GRIN2D: variants seen among roughly 807,000 people sequenced by gnomAD.
GRIN2D encodes glutamate receptor ionotropic, NMDA 2D.
Under a neutral mutation model 103.2 loss-of-function variants are expected in GRIN2D, and 37 were observed. That is an observed-to-expected ratio of 0.36 (90% CI 0.28 to 0.47). The LOEUF (loss-of-function observed/expected upper bound fraction) is 0.47, where lower values mean the gene tolerates loss of function less well. Among genes scored for constraint, GRIN2D ranks in the 20% least tolerant of loss-of-function variants. The pLI is 1.00. For missense variants in GRIN2D, 1,557 were observed against 1,910.6 expected (o/e 0.81, Z 3.45); for synonymous variants, 845 against 885.6 (o/e 0.95, Z 0.81).
Position 48,414,701 on chromosome 19 carries a change from T to C in GRIN2D, c.1412+117T>C. Reference sequence around the variant, plus strand: ...CCCAGGACCCACAAAGCCCTCCAGCTTGGTGACCTTAGGCAAACCTCAGAA... The same window carrying C: ...CCCAGGACCCACAAAGCCCTCCAGCCTGGTGACCTTAGGCAAACCTCAGAA... On this transcript the variant is annotated intron_variant, in intron 6 of 13. Coordinates refer to ENST00000263269, the MANE Select transcript of GRIN2D (RefSeq NM_000836.4). This position sits in a 1 kb window ranked among gnomAD's most constrained non-coding sequence, Gnocchi z 4.6. 1.3e-5 allele frequency: 17 copies of C among 1,259,446 alleles called. No individual in the cohort carries two copies. The highest frequency in any genetic ancestry group is 1.9e-5 in the Non-Finnish European group (17 of 906,500). 78.0% of individuals were successfully genotyped at this position (1,259,446 alleles called of 1,614,324 possible).
At chr19:48,400,109 C>G (rs1401309669) in intron 3 of GRIN2D, among the ~76,000 whole-genome samples, 1 of 152,204 alleles carries the variant, frequency 6.6e-6, no homozygotes, top group Non-Finnish European at 1.5e-5. Flanking sequence ...GAGGCTGGAG[C>G]TGGCCAGAGC....
At chr19:48,406,608 G>C (rs1970794794) in intron 4 of GRIN2D, among the ~76,000 whole-genome samples, 1 of 152,188 alleles carries the variant, frequency 6.6e-6, no homozygotes, top group Non-Finnish European at 1.5e-5. Context: ...CTGAGCACCC[G>C]CTAGGAACTA....
chr19:48,405,387 G>A lies in GRIN2D; in HGVS notation c.1085+34G>A. On this transcript the variant is annotated intron_variant, in intron 4 of 13. Coordinates refer to ENST00000263269, the MANE Select transcript of GRIN2D (RefSeq NM_000836.4). The surrounding 1 kb of genome is among the most constrained non-coding windows in gnomAD (Gnocchi z 5.1). ...GGCTGGAATGGGAGGGGTGTGGGAG[G>A]GCTCCCAGAGCCTAACTACCTCAGT... is the stretch of plus-strand genomic sequence containing the variant. 2.6e-6 allele frequency: 4 copies of A among 1,517,830 alleles called. No individual in the cohort carries two copies. The highest frequency in any genetic ancestry group is 3.5e-6 in the Non-Finnish European group (4 of 1,132,514). 94.0% of individuals were successfully genotyped at this position (1,517,830 alleles called of 1,614,324 possible).
rs544839011 is a variant in GRIN2D at position 48,421,037 on chromosome 19, A to C, written c.2092-748A>C. Among the ~76,000 whole-genome samples the C allele has an allele frequency of 6.6e-6, 1 of 152,334 alleles. No homozygotes were observed. The highest frequency in any genetic ancestry group is 2.1e-4 in the South Asian group (1 of 4,828). ...GGTGTCATGACCTATTAGAGGCTTG[A>C]GAAATCAGTTTGATGGGTTGCAATA... On this transcript the variant is annotated intron_variant, in intron 10 of 13. Transcript: ENST00000263269. The surrounding 1 kb of genome is among the most constrained non-coding windows in gnomAD (Gnocchi z 4.8).
Position 48,398,459 on chromosome 19 carries a change from G to A in GRIN2D, c.67G>A (p.Ala23Thr), listed in dbSNP as rs1970668991. 7 of 1,068,452 alleles carry A rather than the reference G, an allele frequency of 6.6e-6. No individual in the cohort carries two copies. Among genetic ancestry groups the A allele is most frequent in the Non-Finnish European group, 7.9e-6 (7 of 884,430 alleles). The allele number at this position is 1,068,452 out of a possible 1,614,324, so 66.2% of individuals were successfully genotyped here. The change falls in exon 3 of 14, where the codon GCC becomes ACC. Residue 23 changes from alanine to threonine, a missense_variant. Physicochemically the swap from Ala to Thr is moderately conservative, Grantham distance 58. Transcript: ENST00000263269. ...TAAGATGCTGCTGCTGCTGGCGCTG[G>A]CCTGCGCCAGCCCGTTCCCGGAGGA... is the stretch of plus-strand genomic sequence containing the variant. Reference protein sequence around the residue: ...PAKMLLLLALACASPFPEEAP... With the variant: ...PAKMLLLLALTCASPFPEEAP...
In GRIN2D at chr19:48,398,483, G is replaced by C; in HGVS notation, c.91G>C (p.Glu31Gln). 3.9e-6 allele frequency: 4 copies of C among 1,034,752 alleles called. No individual in the cohort carries two copies. The highest frequency in any genetic ancestry group is 4.6e-6 in the Non-Finnish European group (4 of 863,534). 64.1% of individuals were successfully genotyped at this position (1,034,752 alleles called of 1,614,324 possible). A position where few individuals can be genotyped will look rare whatever the true frequency, so the allele number is the denominator to read the frequency against. ...ALACASPFPEEAPGPGGAGGP... is the reference protein window; with the variant it reads ...ALACASPFPEQAPGPGGAGGP... ...GGCCTGCGCCAGCCCGTTCCCGGAG[G>C]AGGCGCCGGGGCCGGGCGGGGCCGG... is the stretch of plus-strand genomic sequence containing the variant. The change falls in exon 3 of 14, where the codon GAG becomes CAG. Residue 31 changes from glutamate to glutamine, a missense_variant. Glu to Gln is a conservative substitution (Grantham distance 29). Transcript: ENST00000263269.
chr19:48,406,985 CT>C (rs11372604), intron 4 of GRIN2D, among the ~76,000 whole-genome samples: 20 of 144,476 alleles, frequency 1.4e-4, no homozygotes, highest in East Asian at 4.0e-4. Flanking sequence ...TTTCCTTTTT[CT>C]TTTTTTTTTT....
chr19:48,412,783 C>G (rs1970890791), intron 4 of GRIN2D, among the ~76,000 whole-genome samples: 1 of 146,396 alleles, frequency 6.8e-6, no homozygotes, highest in Non-Finnish European at 1.5e-5. Context: ...GAGCAAAACT[C>G]TGTCTCAAGA....
In GRIN2D at chr19:48,398,700, T is replaced by C; in HGVS notation, c.308T>C (p.Leu103Pro). ...GACCCGCGCAGCCTCGTGCTGCAGC[T>C]CTGCGACCTGCTGTCGGGGTTGCGC... Reference protein sequence around the residue: ...GSDPRSLVLQLCDLLSGLRVH... With the variant: ...GSDPRSLVLQPCDLLSGLRVH... The change falls in exon 3 of 14, where the codon CTC becomes CCC. Residue 103 changes from leucine to proline, a missense_variant. This residue lies in a region of GRIN2D where 490 missense variants were observed against 601.1 expected (regional missense o/e 0.82). Coordinates refer to ENST00000263269, the MANE Select transcript of GRIN2D (RefSeq NM_000836.4). The C allele has an allele frequency of 6.8e-7, 1 of 1,464,998 alleles. No individual in the cohort carries two copies. Among genetic ancestry groups the C allele is most frequent in the Non-Finnish European group, 9.0e-7 (1 of 1,113,822 alleles). The allele number at this position is 1,464,998 out of a possible 1,614,324, so 90.7% of individuals were successfully genotyped here.
At chr19:48,417,167 G>A (rs1970959092) in intron 8 of GRIN2D, among the ~76,000 whole-genome samples, 1 of 152,186 alleles carries the variant, frequency 6.6e-6, no homozygotes, top group African/African-American at 2.4e-5. Flanking sequence ...TTGAACCCAG[G>A]AGGCAGAGGT....
At position 48,414,388 on chromosome 19, in the gene GRIN2D, C is replaced by G. The variant is rs755714504; in HGVS notation, c.1216C>G (p.Gln406Glu). 2 of 1,606,544 alleles carry G rather than the reference C, an allele frequency of 1.2e-6. No homozygotes were observed. The highest frequency in any genetic ancestry group is 2.2e-5 in the South Asian group (2 of 89,782). The change falls in exon 6 of 14, where the codon CAG (glutamine) becomes GAG (glutamate). Residue 406 changes from glutamine to glutamate, a missense_variant. Transcript: ENST00000263269. This position sits in a 1 kb window ranked among gnomAD's most constrained non-coding sequence, Gnocchi z 4.6. Reference sequence around the variant, plus strand: ...TTTGGCCAAGGTGGGCAGCTGGGAGCAGCAGACGCTCCGCCTCAAGTACCC... The same window carrying G: ...TTTGGCCAAGGTGGGCAGCTGGGAGGAGCAGACGCTCCGCCTCAAGTACCC... ...RTWEVVGSWEQQTLRLKYPLW... is the reference protein window; with the variant it reads ...RTWEVVGSWEEQTLRLKYPLW...
chr19:48,406,055 GGTT>G (rs1228597832), intron 4 of GRIN2D, among the ~76,000 whole-genome samples: 1 of 152,178 alleles, frequency 6.6e-6, no homozygotes, highest in Non-Finnish European at 1.5e-5. Flanking sequence ...CTGGCTTACT[GGTT>G]GTTGACAGTG....
At position 48,402,132 on chromosome 19, in the gene GRIN2D, GAA is replaced by G. The variant is rs1330722692; in HGVS notation, c.466-2600_466-2599del. Among the ~76,000 whole-genome samples the G allele has an allele frequency of 4.3e-5, 6 of 138,826 alleles. 1 individual carries two copies. In the South Asian group the frequency reaches 7.2e-4, roughly 17 times the overall value. 91.1% of individuals were successfully genotyped at this position (138,826 alleles called of 152,430 possible). On this transcript the variant is annotated intron_variant, in intron 3 of 13. Coordinates refer to ENST00000263269, the MANE Select transcript of GRIN2D (RefSeq NM_000836.4). ...AAAGAGAAGGAAAGAAAGAAAGAAA[GAA>G]AGAAAGAAAGAAAGAAAGAAAGAAA...
chr19:48,438,699 G>A (rs1020638084), intron 11 of GRIN2D, among the ~76,000 whole-genome samples: 3 of 152,146 alleles, frequency 2.0e-5, no homozygotes, highest in East Asian at 1.9e-4. Flanking sequence ...CTCCCAAAGC[G>A]CTGGGATTAC....
chr19:48,399,478 G>T (rs1223923083), intron 3 of GRIN2D, among the ~76,000 whole-genome samples: 1 of 152,228 alleles, frequency 6.6e-6, no homozygotes, highest in African/African-American at 2.4e-5. Context: ...TGAGGCAAGA[G>T]AATTGCTTGA....
rs1970599322 is a variant in GRIN2D at position 48,394,043 on chromosome 19, G to T, written c.-306+175G>T. Among the ~76,000 whole-genome samples the T allele has an allele frequency of 6.6e-6, 1 of 152,094 alleles. No homozygotes were observed. Among genetic ancestry groups the T allele is most frequent in the Non-Finnish European group, 1.5e-5 (1 of 68,012 alleles). ...CCCCCGGCCCCCCCAAACCCAGATG[G>T]ATGGTGTGTACCTGGGTTCTGTGCC... On this transcript the variant is annotated intron_variant, in intron 1 of 13. Coordinates refer to ENST00000263269, the MANE Select transcript of GRIN2D (RefSeq NM_000836.4). This position sits in a 1 kb window ranked among gnomAD's most constrained non-coding sequence, Gnocchi z 5.1.
intron 11 of GRIN2D, among the ~76,000 whole-genome samples, chr19:48,424,240 A>AC (rs781307067): frequency 1.4e-4 from 18 of 133,326 alleles, no homozygotes; most frequent in Non-Finnish European, 2.7e-4. Context: ...ACATAGTGAG[A>AC]CCCCCTTGAC....
At position 48,403,321 on chromosome 19, in the gene GRIN2D, A is replaced by G. The variant is rs1970741275; in HGVS notation, c.466-1413A>G. On this transcript the variant is annotated intron_variant, in intron 3 of 13. Transcript: ENST00000263269. The stretch of plus-strand genomic sequence containing the variant: ...GCACTGTTCAATAAAACTTTCAGCA[A>G]AGATGAAGCTGTTCTATAGCTGCTC... Among the ~76,000 whole-genome samples the G allele has an allele frequency of 2.6e-5, 4 of 152,166 alleles. No homozygotes were observed. The South Asian group carries it at 8.3e-4, about 31-fold the overall frequency.
At chr19:48,422,351 G>T (rs540532606) in intron 11 of GRIN2D, among the ~76,000 whole-genome samples, 4 of 152,332 alleles carry the variant, frequency 2.6e-5, no homozygotes, top group Non-Finnish European at 4.4e-5. Flanking sequence ...GGTGGCTCAT[G>T]CCTGTAATCC....
Sources: gnomAD v4.1 joint callset for allele counts (sites outside exome capture counted in the v4.1 genomes callset) on GRCh38, gnomAD v4.1.1 for gene constraint, gnomAD v4.1.1 regional missense constraint, Gnocchi (gnomAD v3.1) non-coding constraint, MANE v1.5 for transcripts, NCBI Gene and HGNC (gene_info 2026-07-23, HGNC 2026-07-21) for gene names.